Variants in STK39 observed in about 807,000 individuals in gnomAD.
The protein encoded by STK39 is STE20/SPS1-related proline-alanine-rich protein kinase.
STK39 carries 20 observed loss-of-function variants against 77.8 expected under a neutral mutation model. The observed-to-expected ratio is 0.26, with a 90% CI of 0.18 to 0.37. The LOEUF (loss-of-function observed/expected upper bound fraction) is 0.37, where lower values mean the gene tolerates loss of function less well. STK39 is among the 10% of genes least tolerant of loss of function. STK39 has a pLI of 1.00. For missense variants in STK39, 479 were observed against 656.5 expected (o/e 0.73, Z 2.95); for synonymous variants, 246 against 234.1 (o/e 1.05, Z -0.47).
At chr2:168,242,541 T>C in intron 1 of STK39, among the ~76,000 whole-genome samples, 1 of 59,764 alleles carries the variant, frequency 1.7e-5, no homozygotes, top group Non-Finnish European at 3.0e-5. Flanking sequence ...AGAGCAAGAC[T>C]CTTACAAAAA....
intron 10 of STK39, among the ~76,000 whole-genome samples, chr2:168,080,040 C>T (rs940818932): frequency 6.6e-6 from 1 of 152,152 alleles, no homozygotes; most frequent in Admixed American, 6.5e-5. Context: ...TACAGTAGGG[C>T]CTCAGTTCAC....
chr2:167,997,001 C>T (rs933275377), intron 16 of STK39, among the ~76,000 whole-genome samples: 7 of 150,200 alleles, frequency 4.7e-5, no homozygotes, highest in Non-Finnish European at 1.0e-4. Context: ...GGAGGTAACC[C>T]TAGACTTACC....
At chr2:168,068,614 C>T (rs1362779838) in intron 12 of STK39, among the ~76,000 whole-genome samples, 3 of 152,180 alleles carry the variant, frequency 2.0e-5, no homozygotes, top group East Asian at 1.9e-4. Context: ...GTCCCTGCAA[C>T]GTTTCTATAA....
chr2:168,124,613 G>A (rs1687492700), intron 10 of STK39, among the ~76,000 whole-genome samples: 1 of 152,030 alleles, frequency 6.6e-6, no homozygotes, highest in Non-Finnish European at 1.5e-5. Flanking sequence ...TAGCCAGGCT[G>A]GTCTTGAACT....
In STK39 at chr2:168,215,314, G is replaced by GA. The variant is rs957946784; in HGVS notation, c.208+31913dup. On this transcript the variant is annotated intron_variant, in intron 1 of 17. Transcript: ENST00000355999. The stretch of plus-strand genomic sequence containing the variant: ...TGATTTAATTTGATTTTACAGGGGA[G>GA]AAAAAAAACGTTAGCTGGATAAGAG... 5.9e-5 allele frequency among the ~76,000 whole-genome samples: 9 copies of GA among 151,948 alleles called. No homozygotes were observed. In the South Asian group the frequency reaches 6.3e-4, roughly 11 times the overall value.
intron 2 of STK39, among the ~76,000 whole-genome samples, chr2:168,174,833 A>T (rs939439838): frequency 5.7e-5 from 6 of 105,418 alleles, no homozygotes; most frequent in African/African-American, 2.5e-4. Flanking sequence ...TTCATCTCTT[A>T]AAAAAAAAAA....
At chr2:168,152,034 A>C (rs960488189) in intron 5 of STK39, among the ~76,000 whole-genome samples, 4 of 152,164 alleles carry the variant, frequency 2.6e-5, no homozygotes, top group Non-Finnish European at 1.5e-5. Context: ...TTTCAGTAAG[A>C]AGTAGAGTCA....
intron 14 of STK39, among the ~76,000 whole-genome samples, chr2:168,029,817 C>G (rs1684789230): frequency 6.6e-6 from 1 of 152,164 alleles, no homozygotes. Flanking sequence ...CATGAACATG[C>G]AGGAGACTGG....
At chr2:168,124,495 G>A (rs1448166222) in intron 10 of STK39, among the ~76,000 whole-genome samples, 1 of 152,122 alleles carries the variant, frequency 6.6e-6, no homozygotes, top group Non-Finnish European at 1.5e-5. Flanking sequence ...CTGCCTCCCG[G>A]ATTCAAATGA....
At chr2:168,016,406 A>AAAAAAAAAC (rs1684408356) in intron 15 of STK39, among the ~76,000 whole-genome samples, 1 of 148,488 alleles carries the variant, frequency 6.7e-6, no homozygotes, top group Non-Finnish European at 1.5e-5. Flanking sequence ...AAAAAAAAAA[A>AAAAAAAAAC]AAAAAAACAA....
Position 168,039,363 on chromosome 2 carries a change from C to T in STK39, c.1377-22268G>A, listed in dbSNP as rs1252139000. ...ATCCCAGCACTTTGGGAGGCCGAGGCGGGTGGATCATGAGGTCAGGAGATC... is the reference window on the plus strand; with the variant it reads ...ATCCCAGCACTTTGGGAGGCCGAGGTGGGTGGATCATGAGGTCAGGAGATC... On this transcript the variant is annotated intron_variant, in intron 14 of 17. Coordinates refer to ENST00000355999, the MANE Select transcript of STK39 (RefSeq NM_013233.3). Among the ~76,000 whole-genome samples the T allele has an allele frequency of 8.9e-4, 17 of 19,138 alleles. 5 individuals are homozygous for T. Among genetic ancestry groups the T allele is most frequent in the Admixed American group, 3.7e-3 (5 of 1,368 alleles). The allele number at this position is 19,138 out of a possible 152,430, so 12.6% of individuals were successfully genotyped here. A position where few individuals can be genotyped will look rare whatever the true frequency, so the allele number is the denominator to read the frequency against.
chr2:168,140,473 C>A, intron 6 of STK39, 83 bp from the exon 7 acceptor site: 1 of 1,320,072 alleles, frequency 7.6e-7, no homozygotes, highest in South Asian at 1.2e-5. Flanking sequence ...CAGAAATCCA[C>A]AGCTGTTGAT....
At chr2:168,188,116 C>T (rs1237989207) in intron 1 of STK39, among the ~76,000 whole-genome samples, 1 of 152,140 alleles carries the variant, frequency 6.6e-6, no homozygotes, top group African/African-American at 2.4e-5. Context: ...GGATAGTAAA[C>T]AAAACAAATG....
At chr2:168,184,098 G>T (rs1490023183) in intron 1 of STK39, among the ~76,000 whole-genome samples, 1 of 152,070 alleles carries the variant, frequency 6.6e-6, no homozygotes, top group Non-Finnish European at 1.5e-5. Flanking sequence ...CACAAATCAA[G>T]GAGTTTCAAA....
At chr2:168,189,518 T>C (rs1689286902) in intron 1 of STK39, among the ~76,000 whole-genome samples, 2 of 152,302 alleles carry the variant, frequency 1.3e-5, no homozygotes, top group South Asian at 2.1e-4. Flanking sequence ...TTACAAATTG[T>C]AATAACTTTC....
intron 1 of STK39, among the ~76,000 whole-genome samples, chr2:168,241,329 T>G (rs1690752496): frequency 6.6e-6 from 1 of 152,198 alleles, no homozygotes. Flanking sequence ...CCTGCCAGCA[T>G]GGCAGCCTCC....
chr2:168,171,465 A>AG (rs1248249729), intron 2 of STK39, among the ~76,000 whole-genome samples: 3 of 113,626 alleles, frequency 2.6e-5, no homozygotes, highest in Non-Finnish European at 5.0e-5. Flanking sequence ...AACAGAACTG[A>AG]AAATAAAAAA....
In STK39 at chr2:168,191,885, C is replaced by G. The variant is rs141164282; in HGVS notation, c.209-9795G>C. 3.5e-3 allele frequency among the ~76,000 whole-genome samples: 537 copies of G among 152,310 alleles called. 3 individuals carry two copies. The highest frequency in any genetic ancestry group is 0.012 in the African/African-American group (511 of 41,550). ...AGGAAGCTGTAGGAAGCAGCTACCA[C>G]TCCTTGGGTAGGACTGTAGGAATCA... On this transcript the variant is annotated intron_variant, in intron 1 of 17. Transcript: ENST00000355999.
intron 2 of STK39, among the ~76,000 whole-genome samples, chr2:168,167,904 T>C (rs1204022601): frequency 1.3e-5 from 2 of 152,172 alleles, no homozygotes; most frequent in Non-Finnish European, 2.9e-5. Context: ...AGAAAATACA[T>C]TTGAAAATGC....
Sources: gnomAD v4.1 joint callset for allele counts (sites outside exome capture counted in the v4.1 genomes callset) on GRCh38, gnomAD v4.1.1 for gene constraint, MANE v1.5 for transcripts, NCBI Gene and HGNC (gene_info 2026-07-23, HGNC 2026-07-21) for gene names.